TBC1D15: variants seen among roughly 807,000 people sequenced by gnomAD.
TBC1D15 encodes the protein GAP for RAB7.
Under a neutral mutation model 95.4 loss-of-function variants are expected in TBC1D15, and 39 were observed. That is an observed-to-expected ratio of 0.41 (90% CI 0.32 to 0.53). The LOEUF (loss-of-function observed/expected upper bound fraction) is 0.53. Ranked by LOEUF, TBC1D15 falls within the 20% of genes least tolerant of loss-of-function variation. TBC1D15 has a pLI of 0.29. For synonymous variants in TBC1D15, 258 were observed against 261.3 expected, an observed-to-expected ratio of 0.99 and a Z score of 0.12; for missense variants, 733 against 794.3, an observed-to-expected ratio of 0.92 and a Z score of 0.93.
rs138543272 is a variant in TBC1D15, at chr12:71,923,389, C to T, written c.*185C>T. ...TAATTATTTTTGTAGTTACTTCTAC[C>T]AAATAGCCTTTCCTTTTCGATAACA... is the stretch of plus-strand genomic sequence containing the variant. On this transcript the variant is annotated 3_prime_UTR_variant, in exon 17 of 17. Coordinates refer to ENST00000485960, the MANE Select transcript of TBC1D15 (RefSeq NM_001146213.3). 1 of 537,224 alleles carries T rather than the reference C, an allele frequency of 1.9e-6. No homozygotes were observed. The highest frequency in any genetic ancestry group is 3.0e-5 in the East Asian group (1 of 33,490). 33.3% of individuals were successfully genotyped at this position (537,224 alleles called of 1,614,324 possible). A position where few individuals can be genotyped will look rare whatever the true frequency, so the allele number is the denominator to read the frequency against.
At chr12:71,921,219 T>G in intron 15 of TBC1D15, 149 bp from the exon 16 acceptor site, 1 of 429,612 alleles carries the variant, frequency 2.3e-6, no homozygotes, top group Non-Finnish European at 4.0e-6. Flanking sequence ...AAAGATATAT[T>G]GAATTTCTTA....
At chr12:71,853,282 A>G (rs1888281333) in intron 1 of TBC1D15, among the ~76,000 whole-genome samples, 2 of 152,166 alleles carry the variant, frequency 1.3e-5, no homozygotes, top group African/African-American at 4.8e-5. Context: ...ACATGACAGC[A>G]CCAAGGGAGA....
At chr12:71,909,514 A>T (rs1459269886) in intron 11 of TBC1D15, among the ~76,000 whole-genome samples, 3 of 152,196 alleles carry the variant, frequency 2.0e-5, no homozygotes, top group Non-Finnish European at 4.4e-5. Flanking sequence ...ATTGCAGGGT[A>T]TGTAATGGTG....
chr12:71,886,485 A>G (rs1896256980), intron 5 of TBC1D15, among the ~76,000 whole-genome samples: 1 of 152,180 alleles, frequency 6.6e-6, no homozygotes, highest in Non-Finnish European at 1.5e-5. Context: ...CTTCATTTAT[A>G]ATGTCCTCAC....
intron 10 of TBC1D15, among the ~76,000 whole-genome samples, 190 bp downstream of exon 10, chr12:71,898,131 G>A (rs544217054): frequency 1.3e-5 from 2 of 152,028 alleles, no homozygotes; most frequent in Non-Finnish European, 2.9e-5. Context: ...AATTCAGTAA[G>A]TTTATTTATA....
chr12:71,902,956 A>G (rs2138830715), intron 10 of TBC1D15, among the ~76,000 whole-genome samples: 1 of 152,276 alleles, frequency 6.6e-6, no homozygotes, highest in Admixed American at 6.5e-5. Flanking sequence ...TCTGTTGCCC[A>G]GGCTGGAGTG....
At chr12:71,862,597 A>G (rs1890621403) in intron 1 of TBC1D15, among the ~76,000 whole-genome samples, 1 of 152,170 alleles carries the variant, frequency 6.6e-6, no homozygotes, top group African/African-American at 2.4e-5. Context: ...CCATTTATCC[A>G]GTCTGTATCT....
At chr12:71,901,782 T>C (rs181609853) in intron 10 of TBC1D15, among the ~76,000 whole-genome samples, 1 of 152,166 alleles carries the variant, frequency 6.6e-6, no homozygotes, top group Admixed American at 6.5e-5. Context: ...GGCATCCAGA[T>C]AGGAAGAGAG....
At chr12:71,883,495 C>T (rs962347145) in intron 4 of TBC1D15, among the ~76,000 whole-genome samples, 3 of 152,048 alleles carry the variant, frequency 2.0e-5, no homozygotes, top group East Asian at 1.9e-4. Context: ...ATAATGATGG[C>T]GCATGGTTTC....
chr12:71,918,532 T>C lies in TBC1D15; in HGVS notation c.1583T>C (p.Ile528Thr). 1 of 1,597,520 alleles carries C rather than the reference T, an allele frequency of 6.3e-7. No individual in the cohort carries two copies. The highest frequency in any genetic ancestry group is 8.5e-7 in the Non-Finnish European group (1 of 1,170,488). The change falls in exon 14 of 17, where the codon ATT becomes ACT. Residue 528 changes from isoleucine (I) to threonine (T), a missense_variant. By Grantham distance (89) the Ile-to-Thr change is moderately conservative. Transcript: ENST00000485960. ...AAAAGGGAATTTAGTTTTCTAGATA[T>C]TCTTCGATTATGGGAGGTAAGTCCT... ...RFKREFSFLD[I>T]LRLWEVMWTE...
In TBC1D15 at chr12:71,849,320, A is replaced by C. The variant is rs1050669567; in HGVS notation, c.30+9509A>C. 4 of 1,122,704 alleles carry C rather than the reference A, an allele frequency of 3.6e-6. No individual in the cohort carries two copies. The African/African-American group carries it at 6.2e-5, about 17-fold the overall frequency. The allele number at this position is 1,122,704 out of a possible 1,614,324, so 69.5% of individuals were successfully genotyped here. A position where few individuals can be genotyped will look rare whatever the true frequency, so the allele number is the denominator to read the frequency against. ...TCTGCCAGAAGAATCTTTTTAGGTA[A>C]GGAGGCTATCATAGGAGGCAATGGA... On this transcript the variant is annotated intron_variant, in intron 1 of 16. Coordinates refer to ENST00000485960, the MANE Select transcript of TBC1D15 (RefSeq NM_001146213.3).
At chr12:71,887,259 T>C (rs993252267) in intron 5 of TBC1D15, among the ~76,000 whole-genome samples, 2 of 152,186 alleles carry the variant, frequency 1.3e-5, no homozygotes, top group East Asian at 3.9e-4. Flanking sequence ...TGATCAACTA[T>C]CAACTATTTT....
chr12:71,846,733 A>G (rs975934765), intron 1 of TBC1D15, among the ~76,000 whole-genome samples: 16 of 141,720 alleles, frequency 1.1e-4, no homozygotes, highest in African/African-American at 1.5e-4. Context: ...TGGACTTTCT[A>G]TGTAAATTAT....
At chr12:71,901,172 C>T (rs936964786) in intron 10 of TBC1D15, among the ~76,000 whole-genome samples, 3 of 152,054 alleles carry the variant, frequency 2.0e-5, no homozygotes, top group African/African-American at 7.2e-5. Context: ...ATGCACGCAC[C>T]ATCACACCCG....
At chr12:71,851,282 G>A (rs748954253) in intron 1 of TBC1D15, among the ~76,000 whole-genome samples, 13 of 152,190 alleles carry the variant, frequency 8.5e-5, no homozygotes, top group African/African-American at 1.4e-4. Flanking sequence ...GTGTTAAACC[G>A]TGAGAAACCA....
At chr12:71,864,932 T>A (rs1436172653) in intron 1 of TBC1D15, among the ~76,000 whole-genome samples, 2 of 152,228 alleles carry the variant, frequency 1.3e-5, no homozygotes, top group Non-Finnish European at 2.9e-5. Flanking sequence ...TGTGGGCACC[T>A]CAGTGGCGTA....
chr12:71,894,541 A>G, intron 6 of TBC1D15, 145 bp from the exon 7 acceptor site: 2 of 1,092,754 alleles, frequency 1.8e-6, no homozygotes, highest in Non-Finnish European at 1.3e-6. Context: ...AAGAAAGAAA[A>G]TACAAATTTA....
Position 71,920,722 on chromosome 12 carries a change from C to A in TBC1D15, c.1600-9C>A. The A allele has an allele frequency of 6.3e-7, 1 of 1,598,606 alleles. No homozygotes were observed. Among genetic ancestry groups the A allele is most frequent in the South Asian group, 1.1e-5 (1 of 90,052 alleles). ...ACAATTTGCAAAATAGTTCTTCTGC[C>A]TTCTATAGGTAATGTGGACCGAACT... On this transcript the variant is annotated splice_polypyrimidine_tract_variant and intron_variant, in intron 14 of 16. Transcript: ENST00000485960.
intron 7 of TBC1D15, among the ~76,000 whole-genome samples, 196 bp downstream of exon 7, chr12:71,895,079 TGATTA>T (rs1446522229): frequency 6.6e-6 from 1 of 152,064 alleles, no homozygotes; most frequent in East Asian, 1.9e-4. Flanking sequence ...TACTCTTTCT[TGATTA>T]ATGTTGGATC....
Sources: allele counts gnomAD v4.1 joint callset (sites outside exome capture counted in the v4.1 genomes callset), GRCh38; gene constraint gnomAD v4.1.1; transcripts MANE v1.5; gene names NCBI Gene and HGNC (gene_info 2026-07-23, HGNC 2026-07-21).